Variants in TRAF3 observed in about 807,000 individuals in gnomAD.
The protein encoded by TRAF3 is TNF receptor-associated factor 3.
Under a neutral mutation model 62.3 loss-of-function variants are expected in TRAF3, and 13 were observed. The ratio of observed to expected loss-of-function variants is 0.21; its 90% CI spans 0.14 to 0.33. The LOEUF (loss-of-function observed/expected upper bound fraction) is 0.33. Ranked by LOEUF, TRAF3 falls within the 10% of genes least tolerant of loss-of-function variation. The probability of loss-of-function intolerance (pLI) is 1.00; values close to 1 mark genes in which losing one functional copy is unlikely to be tolerated. For synonymous variants in TRAF3, 269 were observed against 283.4 expected, an observed-to-expected ratio of 0.95 and a Z score of 0.51; for missense variants, 440 against 741.8, an observed-to-expected ratio of 0.59 and a Z score of 4.73.
intron 2 of TRAF3, among the ~76,000 whole-genome samples, chr14:102,850,688 T>TTAAA (rs1555371773): frequency 2.3e-5 from 2 of 87,490 alleles, no homozygotes; most frequent in South Asian, 3.8e-4. Flanking sequence ...AGACTCCGTC[T>TTAAA]AAAAAAAAAA....
chr14:102,889,038 G>A (rs1889561631), intron 7 of TRAF3, among the ~76,000 whole-genome samples: 1 of 152,078 alleles, frequency 6.6e-6, no homozygotes, highest in African/African-American at 2.4e-5. Context: ...CCTTACAGAG[G>A]GAAAAAGTCT....
chr14:102,831,640 C>A lies in TRAF3; in HGVS notation c.-18+1168C>A, dbSNP rs113772415. Among the ~76,000 whole-genome samples, 497 of 152,272 alleles carry A rather than the reference C, an allele frequency of 3.3e-3. 3 individuals are homozygous for A. The highest frequency in any genetic ancestry group is 0.01 in the Middle Eastern group (3 of 294). On this transcript the variant is annotated intron_variant, in intron 2 of 11. Coordinates refer to ENST00000392745, the MANE Select transcript of TRAF3 (RefSeq NM_145725.3). ...TGCCCGCTGCCCTTATGTGGAGTGACCTTCTGTCTCCCAGCCCCAGCCATG... is the reference window on the plus strand; with the variant it reads ...TGCCCGCTGCCCTTATGTGGAGTGAACTTCTGTCTCCCAGCCCCAGCCATG...
At chr14:102,869,160 G>C (rs918178061) in intron 2 of TRAF3, among the ~76,000 whole-genome samples, 1 of 152,210 alleles carries the variant, frequency 6.6e-6, no homozygotes, top group Non-Finnish European at 1.5e-5. Flanking sequence ...GTGCTCTGTG[G>C]GTCCACAACG....
intron 1 of TRAF3, among the ~76,000 whole-genome samples, chr14:102,823,790 G>A (rs577024409): frequency 2.0e-5 from 3 of 152,188 alleles, no homozygotes; most frequent in Non-Finnish European, 4.4e-5. Flanking sequence ...GTCCATGTCT[G>A]TGGTTTTTAG....
At chr14:102,851,682 T>G (rs1306828287) in intron 2 of TRAF3, among the ~76,000 whole-genome samples, 1 of 152,052 alleles carries the variant, frequency 6.6e-6, no homozygotes, top group Admixed American at 6.5e-5. Flanking sequence ...AGGCGGAGCT[T>G]GCAGTGAGCC....
rs191913143 is a variant in TRAF3, at chr14:102,890,511, T to C, written c.727-814T>C. On this transcript the variant is annotated intron_variant, in intron 8 of 11. Coordinates refer to ENST00000392745, the MANE Select transcript of TRAF3 (RefSeq NM_145725.3). ...CTGTCGTACGTAGTATCATTCATTCTCTCTGTGTATGTGTATATATATGTT... is the reference window on the plus strand; with the variant it reads ...CTGTCGTACGTAGTATCATTCATTCCCTCTGTGTATGTGTATATATATGTT... Among the ~76,000 whole-genome samples, 308 of 152,336 alleles carry C rather than the reference T, an allele frequency of 2.0e-3. 4 individuals carry two copies. The highest frequency in any genetic ancestry group is 6.8e-4 in the Non-Finnish European group (46 of 68,030).
intron 2 of TRAF3, among the ~76,000 whole-genome samples, chr14:102,848,103 T>A (rs1410170803): frequency 1.3e-5 from 2 of 152,320 alleles, no homozygotes; most frequent in Admixed American, 6.5e-5. Context: ...CATTTTTTGA[T>A]ACAAGAACTA....
At chr14:102,820,761 C>CTGGGGT (rs1899931687) in intron 1 of TRAF3, among the ~76,000 whole-genome samples, 1 of 148,844 alleles carries the variant, frequency 6.7e-6, no homozygotes, top group African/African-American at 2.5e-5. Flanking sequence ...TCTTGAGTAG[C>CTGGGGT]TGGGGTTATA....
At chr14:102,790,514 A>G (rs1408625055) in intron 1 of TRAF3, among the ~76,000 whole-genome samples, 1 of 152,230 alleles carries the variant, frequency 6.6e-6, no homozygotes, top group African/African-American at 2.4e-5. Flanking sequence ...CCTCACAATC[A>G]TGGTGAAAGG....
At chr14:102,812,325 C>G (rs900317104) in intron 1 of TRAF3, among the ~76,000 whole-genome samples, 1 of 152,074 alleles carries the variant, frequency 6.6e-6, no homozygotes, top group African/African-American at 2.4e-5. Context: ...TTGCTGTGAA[C>G]GACAGGATTT....
chr14:102,870,567 A>C, intron 3 of TRAF3, 121 bp downstream of exon 3: 6 of 1,348,074 alleles, frequency 4.5e-6, no homozygotes, highest in Non-Finnish European at 5.0e-6. Flanking sequence ...AAGTCCATAA[A>C]AGCCTCCGGG....
chr14:102,866,178 A>G (rs551519740), intron 2 of TRAF3, among the ~76,000 whole-genome samples: 44 of 152,342 alleles, frequency 2.9e-4, no homozygotes, highest in Middle Eastern at 3.4e-3. Context: ...TAACAGAGGA[A>G]TAGAAAACCA....
chr14:102,876,404 G>A lies in TRAF3; in HGVS notation c.449G>A (p.Arg150His), dbSNP rs141920055. 4.2e-4 allele frequency: 671 copies of A among 1,614,152 alleles called. 4 individuals carry two copies. Among genetic ancestry groups the A allele is most frequent in the African/African-American group, 1.3e-3 (96 of 75,030 alleles). Residue 150 changes from arginine to histidine, a missense_variant, in exon 6 of 12, where the codon CGT (arginine) becomes CAT (histidine). Physicochemically the swap from Arg to His is conservative, Grantham distance 29 (BLOSUM62 0). Around this residue, in one of 6 missense-constraint regions of TRAF3, gnomAD observed 255 missense variants for 424.1 expected, o/e 0.60. Transcript: ENST00000392745. ...DCHFEELPCV[R>H]PDCKEKVLRK... ...CATTTTGAAGAACTTCCATGTGTGC[G>A]TCCTGACTGCAAAGAAAAGGTCTTG...
intron 2 of TRAF3, among the ~76,000 whole-genome samples, chr14:102,864,303 C>T (rs1352456291): frequency 6.6e-6 from 1 of 152,046 alleles, no homozygotes; most frequent in Admixed American, 6.6e-5. Flanking sequence ...CACCCGCCAC[C>T]ACGCCCGGCT....
chr14:102,835,624 G>A (rs1885953126), intron 2 of TRAF3, among the ~76,000 whole-genome samples: 1 of 152,156 alleles, frequency 6.6e-6, no homozygotes, highest in Non-Finnish European at 1.5e-5. Context: ...GGAGCTGGAG[G>A]CCATTATCCT....
intron 10 of TRAF3, among the ~76,000 whole-genome samples, chr14:102,897,714 A>G (rs1236436694): frequency 2.6e-5 from 4 of 152,174 alleles, no homozygotes; most frequent in Admixed American, 2.0e-4. Flanking sequence ...AGCTGTTTTT[A>G]TTATTTAAGA....
At chr14:102,795,220 T>C (rs1340479664) in intron 1 of TRAF3, among the ~76,000 whole-genome samples, 1 of 152,200 alleles carries the variant, frequency 6.6e-6, no homozygotes, top group African/African-American at 2.4e-5. Flanking sequence ...TCTCAGCTGA[T>C]TGTTGCAACA....
chr14:102,892,674 A>T (rs1341731827), intron 9 of TRAF3, among the ~76,000 whole-genome samples: 1 of 152,242 alleles, frequency 6.6e-6, no homozygotes, highest in African/African-American at 2.4e-5. Context: ...TAAAGATTTG[A>T]ATGTCTTGTT....
rs192213592 is a variant in TRAF3, at chr14:102,792,238, C to T, written c.-157+14563C>T. 5.1e-3 allele frequency among the ~76,000 whole-genome samples: 739 copies of T among 144,644 alleles called. 23 individuals carry two copies. The highest frequency in any genetic ancestry group is 0.05 in the Admixed American group (692 of 13,780). The allele number at this position is 144,644 out of a possible 152,430, so 94.9% of individuals were successfully genotyped here. On this transcript the variant is annotated intron_variant, in intron 1 of 11. Transcript: ENST00000392745. The stretch of plus-strand genomic sequence containing the variant: ...CTCCCAGGCTCAAGCAGTGCTCCTT[C>T]TTTAGCCTCCCCGGTAGCTGGGACT...
Sources: allele counts gnomAD v4.1 joint callset (sites outside exome capture counted in the v4.1 genomes callset), GRCh38; gene constraint gnomAD v4.1.1; regional missense constraint gnomAD v4.1.1; transcripts MANE v1.5; gene names NCBI Gene and HGNC (gene_info 2026-07-23, HGNC 2026-07-21).